Variants in CADPS2 observed in about 807,000 individuals in gnomAD.
CADPS2 encodes the protein calcium-dependent secretion activator 2.
Under a neutral mutation model 172.5 loss-of-function variants are expected in CADPS2, and 93 were observed. The observed-to-expected ratio is 0.54, with a 90% confidence interval of 0.46 to 0.64. The LOEUF is 0.64. Among genes scored for constraint, CADPS2 ranks in the 30% least tolerant of loss-of-function variants. The probability of loss-of-function intolerance (pLI) is 0.00; values close to 1 mark genes in which losing one functional copy is unlikely to be tolerated. For missense variants in CADPS2, 1,420 were observed against 1,565.9 expected (o/e 0.91, Z 1.57); for synonymous variants, 546 against 555.2 (o/e 0.98, Z 0.23).
intron 20 of CADPS2, chr7:122,395,333 T>A (rs1458337300): frequency 6.6e-6 from 1 of 152,172 alleles, no homozygotes; most frequent in African/African-American, 2.4e-5. Flanking sequence ...TGGGTTAGTA[T>A]TTTTTGTGGT....
In CADPS2 at chr7:122,393,205, T is replaced by C. The variant is rs1166330426; in HGVS notation, c.2999A>G (p.Tyr1000Cys). 2 of 1,613,566 alleles carry C rather than the reference T, an allele frequency of 1.2e-6. No individual in the cohort carries two copies. Among genetic ancestry groups the C allele is most frequent in the Non-Finnish European group, 1.7e-6 (2 of 1,179,714 alleles). The change falls in exon 22 of 30, where the codon TAT (tyrosine) becomes TGT (cysteine). Residue 1000 changes from tyrosine (Y) to cysteine (C), a missense_variant. Coordinates refer to ENST00000449022, the MANE Select transcript of CADPS2 (RefSeq NM_017954.11). ...AGTGAGGAATACACACGTGGACTCATATAAAGAAGGCATCCACGAAGCAGT... is the reference window on the plus strand; with the variant it reads ...AGTGAGGAATACACACGTGGACTCACATAAAGAAGGCATCCACGAAGCAGT... ...ISTASWMPSL[Y>C]ESTNGSATSE...
intron 1 of CADPS2, among the ~76,000 whole-genome samples, chr7:122,874,868 T>C (rs1342857497): frequency 2.6e-5 from 4 of 152,084 alleles, no homozygotes; most frequent in Admixed American, 1.3e-4. Flanking sequence ...TTATACCTTA[T>C]ACAAAAATTA....
chr7:122,500,062 A>G (rs2059071575), intron 9 of CADPS2, among the ~76,000 whole-genome samples: 1 of 152,180 alleles, frequency 6.6e-6, no homozygotes, highest in African/African-American at 2.4e-5. Context: ...CAGACGGACC[A>G]TCCAGCAAGA....
At chr7:122,833,368 T>G (rs997671426) in intron 1 of CADPS2, among the ~76,000 whole-genome samples, 2 of 152,170 alleles carry the variant, frequency 1.3e-5, no homozygotes, top group African/African-American at 4.8e-5. Flanking sequence ...ATTTTATTTT[T>G]GAGATGGAGT....
At chr7:122,878,793 G>A (rs1228317852) in intron 1 of CADPS2, among the ~76,000 whole-genome samples, 1 of 151,976 alleles carries the variant, frequency 6.6e-6, no homozygotes, top group African/African-American at 2.4e-5. Flanking sequence ...CCCACAAGGG[G>A]ATTATTTGCT....
At chr7:122,466,512 G>T (rs1335625255) in intron 14 of CADPS2, among the ~76,000 whole-genome samples, 1 of 152,116 alleles carries the variant, frequency 6.6e-6, no homozygotes, top group Non-Finnish European at 1.5e-5. Flanking sequence ...ATGAGGTGAG[G>T]CACTGACTCA....
At chr7:122,490,506 G>T (rs886494520) in intron 10 of CADPS2, among the ~76,000 whole-genome samples, 1 of 151,978 alleles carries the variant, frequency 6.6e-6, no homozygotes, top group South Asian at 2.1e-4. Context: ...AATAACCTAG[G>T]GAAACAGTCC....
intron 20 of CADPS2, among the ~76,000 whole-genome samples, chr7:122,397,008 C>A (rs62474598): frequency 3.9e-5 from 6 of 152,098 alleles, no homozygotes; most frequent in Non-Finnish European, 8.8e-5. Flanking sequence ...CCTGTGTATA[C>A]GCCTCATACT....
intron 9 of CADPS2, 61 bp from the exon 10 acceptor site, chr7:122,491,481 G>A (rs1476589): frequency 0.28 from 223,708 of 803,214 alleles, 31,903 homozygotes; most frequent in East Asian, 0.38. Context: ...TTTAACTTTC[G>A]TTTTTTTATC....
At chr7:122,718,165 G>A (rs2089911976) in intron 2 of CADPS2, among the ~76,000 whole-genome samples, 1 of 151,622 alleles carries the variant, frequency 6.6e-6, no homozygotes, top group Non-Finnish European at 1.5e-5. Flanking sequence ...CACATTTAGA[G>A]TTTACTAAGC....
In CADPS2 at chr7:122,800,774, C is replaced by G. The variant is rs532845958; in HGVS notation, c.340-63706G>C. Reference sequence around the variant, plus strand: ...GAGGCCAAGGCAGGCAGATCACTTTCGAAGTCAGGAGTTCGCAACCAGCCT... The same window carrying G: ...GAGGCCAAGGCAGGCAGATCACTTTGGAAGTCAGGAGTTCGCAACCAGCCT... On this transcript the variant is annotated intron_variant, in intron 1 of 29. Coordinates refer to ENST00000449022, the MANE Select transcript of CADPS2 (RefSeq NM_017954.11). Among the ~76,000 whole-genome samples, 73 of 152,116 alleles carry G rather than the reference C, an allele frequency of 4.8e-4. 1 individual carries two copies. The South Asian group carries it at 0.015, about 30-fold the overall frequency.
chr7:122,704,352 CTT>C (rs943018418), intron 2 of CADPS2, among the ~76,000 whole-genome samples: 1 of 146,484 alleles, frequency 6.8e-6, no homozygotes. Flanking sequence ...TACAGGTAGA[CTT>C]TTTTTTTTTC....
chr7:122,572,568 C>T (rs2067415929), intron 7 of CADPS2, among the ~76,000 whole-genome samples: 1 of 151,916 alleles, frequency 6.6e-6, no homozygotes, highest in African/African-American at 2.4e-5. Context: ...TGAAGATGAC[C>T]CTTTATCAAG....
chr7:122,710,888 T>G (rs1323877003), intron 2 of CADPS2, among the ~76,000 whole-genome samples: 1 of 152,140 alleles, frequency 6.6e-6, no homozygotes, highest in East Asian at 1.9e-4. Flanking sequence ...TCTGATTCAT[T>G]TTTTAAAAAT....
At chr7:122,637,208 T>TTTTTTTTTTTTTTTTTTCTC (rs778963218) in intron 3 of CADPS2, among the ~76,000 whole-genome samples, 2 of 62,664 alleles carry the variant, frequency 3.2e-5, no homozygotes, top group Admixed American at 2.6e-4. Context: ...TTTTTTTTTT[T>TTTTTTTTTTTTTTTTTTCTC]CCTGAGACAG....
intron 3 of CADPS2, 117 bp from the exon 4 acceptor site, chr7:122,629,445 T>C: frequency 3.6e-6 from 2 of 558,130 alleles, no homozygotes; most frequent in Non-Finnish European, 5.9e-6. Flanking sequence ...AAATGTTTAA[T>C]AGATTGTATC....
At chr7:122,537,763 A>T (rs1168654500) in intron 8 of CADPS2, among the ~76,000 whole-genome samples, 1 of 151,858 alleles carries the variant, frequency 6.6e-6, no homozygotes, top group Non-Finnish European at 1.5e-5. Context: ...CGAAATTAAT[A>T]CAAATGTATT....
chr7:122,878,261 G>GAAAAAGA (rs1554514615), intron 1 of CADPS2, among the ~76,000 whole-genome samples: 2 of 113,284 alleles, frequency 1.8e-5, no homozygotes, highest in Admixed American at 1.1e-4. Flanking sequence ...TCCGTCTCAA[G>GAAAAAGA]AAAAAAAAAA....
At chr7:122,774,815 G>A (rs765171865) in intron 1 of CADPS2, among the ~76,000 whole-genome samples, 3 of 152,120 alleles carry the variant, frequency 2.0e-5, no homozygotes, top group African/African-American at 7.2e-5. Context: ...TATATTTAAT[G>A]TATCTAACTG....
Sources: gnomAD v4.1 joint callset for allele counts (sites outside exome capture counted in the v4.1 genomes callset) on GRCh38, gnomAD v4.1.1 for gene constraint, MANE v1.5 for transcripts, NCBI Gene and HGNC (gene_info 2026-07-23, HGNC 2026-07-21) for gene names.